Variants in CLDN10 observed in about 807,000 individuals in gnomAD.
The protein encoded by CLDN10 is claudin 10, also known as claudin-10.
CLDN10 carries 15 observed loss-of-function variants against 22.9 expected under a neutral mutation model. The observed-to-expected ratio is 0.65, with a 90% CI of 0.44 to 1.01. CLDN10 has a LOEUF of 1.01. Ranked by LOEUF, CLDN10 falls within the 50% of genes least tolerant of loss-of-function variation. The probability of loss-of-function intolerance (pLI) is 0.00; values close to 1 mark genes in which losing one functional copy is unlikely to be tolerated. For synonymous variants in CLDN10, 114 were observed against 111.4 expected, an observed-to-expected ratio of 1.02 and a Z score of -0.15; for missense variants, 247 against 287.8, an observed-to-expected ratio of 0.86 and a Z score of 1.03.
At chr13:95,471,356 A>ATG (rs1296875010) in intron 1 of CLDN10, among the ~76,000 whole-genome samples, 2 of 116,196 alleles carry the variant, frequency 1.7e-5, no homozygotes, top group African/African-American at 6.4e-5. Context: ...TTATGGATAT[A>ATG]TATGTGTGTG....
At chr13:95,478,126 A>G (rs2042703285) in intron 1 of CLDN10, among the ~76,000 whole-genome samples, 1 of 150,666 alleles carries the variant, frequency 6.6e-6, no homozygotes, top group Non-Finnish European at 1.5e-5. Flanking sequence ...CCAACATGGC[A>G]AAACACCATA....
At chr13:95,499,135 G>A (rs1478873524) in intron 1 of CLDN10, among the ~76,000 whole-genome samples, 1 of 152,182 alleles carries the variant, frequency 6.6e-6, no homozygotes, top group African/African-American at 2.4e-5. Flanking sequence ...TCCATGCCAG[G>A]AATACGTTTT....
chr13:95,496,508 A>G (rs1027207111), intron 1 of CLDN10, among the ~76,000 whole-genome samples: 2 of 152,192 alleles, frequency 1.3e-5, no homozygotes, highest in African/African-American at 4.8e-5. Context: ...ATTACAAAAT[A>G]CCATAGACTG....
chr13:95,485,409 C>A (rs2042795259), intron 1 of CLDN10, among the ~76,000 whole-genome samples: 1 of 152,302 alleles, frequency 6.6e-6, no homozygotes, highest in African/African-American at 2.4e-5. Context: ...GTCAAGGCAG[C>A]ACTTAGTTTT....
At chr13:95,500,825 A>G (rs2138537865) in intron 1 of CLDN10, among the ~76,000 whole-genome samples, 1 of 152,178 alleles carries the variant, frequency 6.6e-6, no homozygotes, top group South Asian at 2.1e-4. Flanking sequence ...AAGTGACCTC[A>G]TTTTCGTTTT....
At chr13:95,571,681 A>G (rs1037265885) in intron 3 of CLDN10, among the ~76,000 whole-genome samples, 1 of 152,226 alleles carries the variant, frequency 6.6e-6, no homozygotes, top group East Asian at 1.9e-4. Flanking sequence ...ATAAAAATAA[A>G]ATCAATTCAT....
rs1196136780 is a variant in CLDN10, at chr13:95,579,688, T to C, written c.*1674T>C. 1 of 152,048 alleles carries C rather than the reference T, an allele frequency of 6.6e-6. No homozygotes were observed. The highest frequency in any genetic ancestry group is 1.5e-5 in the Non-Finnish European group (1 of 68,000). 9.4% of individuals were successfully genotyped at this position (152,048 alleles called of 1,614,324 possible). ...AAAAAAGAATCACATTGTTCAGAGG[T>C]GCTCAATGGAAAGAAAAGGAAATGA... On this transcript the variant is annotated 3_prime_UTR_variant, in exon 5 of 5. Coordinates refer to ENST00000299339, the MANE Select transcript of CLDN10 (RefSeq NM_006984.5).
intron 3 of CLDN10, among the ~76,000 whole-genome samples, chr13:95,575,825 G>A (rs895898841): frequency 6.6e-6 from 1 of 152,196 alleles, no homozygotes; most frequent in Non-Finnish European, 1.5e-5. Context: ...TCACAGAGCA[G>A]CATTTCTTGT....
chr13:95,556,742 G>A (rs1022226755), intron 1 of CLDN10, among the ~76,000 whole-genome samples: 4 of 152,212 alleles, frequency 2.6e-5, no homozygotes, highest in Non-Finnish European at 5.9e-5. Flanking sequence ...ATTTGCAGAA[G>A]TACACAAAGC....
chr13:95,452,750 C>T (rs558178718), intron 1 of CLDN10, among the ~76,000 whole-genome samples: 26 of 152,288 alleles, frequency 1.7e-4, no homozygotes, highest in Admixed American at 1.3e-3. Flanking sequence ...TTTTATAAAA[C>T]GTGCTGAGGG....
At chr13:95,473,095 G>A (rs1457378428) in intron 1 of CLDN10, among the ~76,000 whole-genome samples, 11 of 145,834 alleles carry the variant, frequency 7.5e-5, no homozygotes, top group African/African-American at 1.5e-4. Context: ...AGCTACGATC[G>A]TACCACAGCA....
intron 1 of CLDN10, among the ~76,000 whole-genome samples, chr13:95,469,649 G>A (rs985591289): frequency 3.9e-5 from 6 of 152,174 alleles, no homozygotes; most frequent in Non-Finnish European, 5.9e-5. Flanking sequence ...CCTTTCCATT[G>A]ATCTGTGCTG....
In CLDN10 at chr13:95,505,958, T is replaced by A. The variant is rs147968448; in HGVS notation, c.215-54174T>A. 3.2e-3 allele frequency among the ~76,000 whole-genome samples: 494 copies of A among 152,274 alleles called. 2 individuals carry two copies. Among genetic ancestry groups the A allele is most frequent in the African/African-American group, 0.011 (469 of 41,558 alleles). On this transcript the variant is annotated intron_variant, in intron 1 of 4. Transcript: ENST00000376873. ...TTTCACCAGGTTGGCCAGGCTGGTCTTGAACTCCTGACCTCTGGTGATCCA... is the reference window on the plus strand; with the variant it reads ...TTTCACCAGGTTGGCCAGGCTGGTCATGAACTCCTGACCTCTGGTGATCCA...
intron 1 of CLDN10, among the ~76,000 whole-genome samples, chr13:95,462,639 T>C (rs948722653): frequency 9.9e-5 from 15 of 152,182 alleles, no homozygotes; most frequent in Non-Finnish European, 1.8e-4. Context: ...GCAGAGGAGT[T>C]AGTTTTTAGG....
chr13:95,442,230 G>A (rs947597070), intron 1 of CLDN10, among the ~76,000 whole-genome samples: 52 of 152,140 alleles, frequency 3.4e-4, no homozygotes, highest in Non-Finnish European at 5.9e-4. Flanking sequence ...AAAGAGTGGC[G>A]ATTATGTCCA....
chr13:95,532,059 A>T (rs993171906), intron 1 of CLDN10, among the ~76,000 whole-genome samples: 2 of 152,218 alleles, frequency 1.3e-5, no homozygotes, highest in Non-Finnish European at 1.5e-5. Context: ...CAAAGGGTTT[A>T]AAATGAAAAT....
At chr13:95,509,817 T>C (rs909905194) in intron 1 of CLDN10, among the ~76,000 whole-genome samples, 12 of 152,140 alleles carry the variant, frequency 7.9e-5, no homozygotes, top group Non-Finnish European at 1.6e-4. Flanking sequence ...GACTCCTTAC[T>C]TGTTTCTTCT....
intron 1 of CLDN10, among the ~76,000 whole-genome samples, chr13:95,558,798 G>A (rs1194499072): frequency 1.1e-4 from 17 of 152,084 alleles, no homozygotes; most frequent in South Asian, 2.1e-4. Flanking sequence ...GGGGGCAAGC[G>A]CCTATGGTTT....
chr13:95,541,873 G>T (rs1310589914), intron 1 of CLDN10, among the ~76,000 whole-genome samples: 6 of 152,162 alleles, frequency 3.9e-5, no homozygotes, highest in African/African-American at 1.4e-4. Context: ...TTCTATGTTT[G>T]TTACCTCACA....
Sources: allele counts gnomAD v4.1 joint callset (sites outside exome capture counted in the v4.1 genomes callset), GRCh38; gene constraint gnomAD v4.1.1; transcripts MANE v1.5; gene names NCBI Gene and HGNC (gene_info 2026-07-23, HGNC 2026-07-21).